SH3D21: variants seen among roughly 807,000 people sequenced by gnomAD.
SH3D21 encodes SH3 domain-containing protein 21.
Under a neutral mutation model 82.1 loss-of-function variants are expected in SH3D21, and 83 were observed. That is an observed-to-expected ratio of 1.01 (90% CI 0.85 to 1.21). The LOEUF is 1.21. SH3D21 is among the 50% of genes most tolerant of loss of function. SH3D21 has a pLI of 0.00. For synonymous variants in SH3D21, 383 were observed against 387.8 expected (o/e 0.99, Z 0.15); for missense variants, 980 against 962.1 (o/e 1.02, Z -0.25).
downstream of SH3D21, among the ~76,000 whole-genome samples, chr1:36,325,819 CG>C (rs776092280): frequency 1.3e-5 from 2 of 152,212 alleles, no homozygotes; most frequent in Non-Finnish European, 2.9e-5. Context: ...GCAGGGATTA[CG>C]GGCGTGAGCC....
At chr1:36,322,876 A>G, downstream of SH3D21, 1 of 1,527,974 alleles carries the variant, frequency 6.5e-7, no homozygotes, top group Non-Finnish European at 9.0e-7. Flanking sequence ...GAGGGCGGGG[A>G]GCGGGGCGGA....
At position 36,306,368 on chromosome 1, in the gene SH3D21, AGTACTCGGCC is replaced by A. The variant is rs1246963941; in HGVS notation, c.-50_-41del. ...CTCAGGTCGCACCCTGCGCGGGCCCAGTACTCGGCCGTCAGAGGGAGCTGCCAGGCTCTGG... is the reference window on the plus strand; with the variant it reads ...CTCAGGTCGCACCCTGCGCGGGCCCAGTCAGAGGGAGCTGCCAGGCTCTGG... On this transcript the variant is annotated 5_prime_UTR_variant, in exon 1 of 16. Transcript: ENST00000453908. This position sits in a 1 kb window ranked among gnomAD's most constrained non-coding sequence, Gnocchi z 4.5. 1.7e-5 allele frequency: 22 copies of A among 1,305,084 alleles called. No individual in the cohort carries two copies. Among genetic ancestry groups the A allele is most frequent in the Non-Finnish European group, 2.2e-5 (22 of 988,922 alleles). The allele number at this position is 1,305,084 out of a possible 1,614,324, so 80.8% of individuals were successfully genotyped here.
Position 36,320,681 on chromosome 1 carries a change from C to T in SH3D21, c.2018C>T (p.Pro673Leu). Reference protein sequence around the residue: ...PPDSQETLALPSLVPQNYTEN... With the variant: ...PPDSQETLALLSLVPQNYTEN... ...GACTCCCAAGAGACGCTCGCGCTCCCCTCGCTGGTCCCGCAAAACTACACG... is the reference window on the plus strand; with the variant it reads ...GACTCCCAAGAGACGCTCGCGCTCCTCTCGCTGGTCCCGCAAAACTACACG... The change falls in exon 14 of 16, where the codon CCC (proline) becomes CTC (leucine). Residue 673 changes from proline to leucine, a missense_variant. By Grantham distance (98) the Pro-to-Leu change is moderately conservative (BLOSUM62 -3). Coordinates refer to ENST00000453908, the MANE Select transcript of SH3D21 (RefSeq NM_001162530.2). The T allele has an allele frequency of 1.2e-6, 2 of 1,614,266 alleles. No individual in the cohort carries two copies. Among genetic ancestry groups the T allele is most frequent in the Non-Finnish European group, 1.7e-6 (2 of 1,180,044 alleles).
At chr1:36,324,191 G>C (rs1010770323), downstream of SH3D21, 16 of 152,246 alleles carry the variant, frequency 1.1e-4, no homozygotes, top group East Asian at 2.9e-3. Context: ...GTCACGCAGG[G>C]TTAATGATTG....
intron 10 of SH3D21, among the ~76,000 whole-genome samples, chr1:36,310,669 A>G (rs909386997): frequency 1.3e-5 from 2 of 151,952 alleles, no homozygotes; most frequent in African/African-American, 4.8e-5. Context: ...CCTAAACCTA[A>G]GGACTAGAAC....
downstream of SH3D21, chr1:36,321,935 G>C: frequency 9.0e-7 from 1 of 1,114,716 alleles, no homozygotes; most frequent in African/African-American, 1.6e-5. This position sits in a 1 kb window ranked among gnomAD's most constrained non-coding sequence, Gnocchi z 6.1. Flanking sequence ...GTGCAGCTAG[G>C]GTAAGGGAGT....
downstream of SH3D21, chr1:36,327,735 A>G (rs1646559554): frequency 8.2e-7 from 1 of 1,224,172 alleles, no homozygotes; most frequent in Non-Finnish European, 1.0e-6. Context: ...TGCCGTGGCC[A>G]AGCCAGGCCA....
At chr1:36,326,052 G>A (rs1015176098), downstream of SH3D21, among the ~76,000 whole-genome samples, 3 of 152,262 alleles carry the variant, frequency 2.0e-5, no homozygotes, top group Middle Eastern at 6.8e-3. Context: ...TGAATCCTAA[G>A]GAGGAGGCAG....
At chr1:36,317,114 A>C (rs1646358471) in intron 10 of SH3D21, among the ~76,000 whole-genome samples, 1 of 152,230 alleles carries the variant, frequency 6.6e-6, no homozygotes, top group Non-Finnish European at 1.5e-5. Context: ...AGAATGTAAG[A>C]AGTCAAAGTT....
downstream of SH3D21, chr1:36,323,203 C>G: frequency 1.4e-6 from 1 of 729,110 alleles, no homozygotes; most frequent in Non-Finnish European, 2.1e-6. Context: ...TCGTGGCGGC[C>G]CGGGGCCCTG....
downstream of SH3D21, chr1:36,321,441 C>G: frequency 2.6e-6 from 3 of 1,157,886 alleles, no homozygotes; most frequent in African/African-American, 1.6e-5. This position sits in a 1 kb window ranked among gnomAD's most constrained non-coding sequence, Gnocchi z 6.1. Context: ...GGAGAAATGG[C>G]GGGCAGGAGG....
chr1:36,306,862 G>T lies in SH3D21; in HGVS notation c.183G>T (p.Arg61=), dbSNP rs1033021694. The T allele has an allele frequency of 5.0e-5, 65 of 1,298,116 alleles. No individual in the cohort carries two copies. Among genetic ancestry groups the T allele is most frequent in the Middle Eastern group, 3.2e-4 (1 of 3,146 alleles). The allele number at this position is 1,298,116 out of a possible 1,614,324, so 80.4% of individuals were successfully genotyped here. ...CCCAGGAGATCCCAGAGACCCTGCG[G>T]GGCTCCGGAGAGGCGCGGAGGCCGC... ...RLVQEIPETL[R]GSGEARRPRC... Residue 61 remains arginine, a synonymous_variant, in exon 3 of 16, where the codon CGG becomes CGT. Transcript: ENST00000453908. This position sits in a 1 kb window ranked among gnomAD's most constrained non-coding sequence, Gnocchi z 4.5.
rs779888595 is a variant in SH3D21, at chr1:36,321,310, A to G, written c.*183A>G. ...CTCCGCATTCCTGACGGTCCCTCCC[A>G]GGCACATCTGGCCAACATGTGGCTC... On this transcript the variant is annotated 3_prime_UTR_variant, in exon 16 of 16. Coordinates refer to ENST00000453908, the MANE Select transcript of SH3D21 (RefSeq NM_001162530.2). This position sits in a 1 kb window ranked among gnomAD's most constrained non-coding sequence, Gnocchi z 6.1. 56 of 1,433,750 alleles carry G rather than the reference A, an allele frequency of 3.9e-5. No individual in the cohort carries two copies. Among genetic ancestry groups the G allele is most frequent in the Non-Finnish European group, 5.0e-5 (55 of 1,099,012 alleles). 88.8% of individuals were successfully genotyped at this position (1,433,750 alleles called of 1,614,324 possible).
At chr1:36,310,513 G>A (rs889588121) in intron 10 of SH3D21, among the ~76,000 whole-genome samples, 5 of 151,958 alleles carry the variant, frequency 3.3e-5, no homozygotes, top group African/African-American at 9.7e-5. Context: ...TATTTGGGAG[G>A]CTGAGGCAGG....
chr1:36,323,204 C>T (rs1442919110), downstream of SH3D21: 3 of 723,724 alleles, frequency 4.1e-6, no homozygotes, highest in African/African-American at 3.8e-5. Context: ...CGTGGCGGCC[C>T]GGGGCCCTGT....
intron 9 of SH3D21, 121 bp from the exon 10 acceptor site, chr1:36,309,427 C>T: frequency 8.7e-7 from 1 of 1,145,850 alleles, no homozygotes; most frequent in African/African-American, 1.6e-5. Flanking sequence ...GAACTTCTGT[C>T]CTCAAGTGAT....
At chr1:36,326,519 C>T (rs190798818), downstream of SH3D21, among the ~76,000 whole-genome samples, 821 of 152,276 alleles carry the variant, frequency 5.4e-3, 2 homozygotes, top group Non-Finnish European at 1.0e-2. Flanking sequence ...TGTGAGCCAC[C>T]GTGCCCGGCC....
rs1305611343 is a variant in SH3D21, at chr1:36,320,285, C to T, written c.1622C>T (p.Pro541Leu). Residue 541 changes from proline to leucine, a missense_variant, in exon 14 of 16, where the codon CCT becomes CTT. Physicochemically the swap from Pro to Leu is moderately conservative, Grantham distance 98. Transcript: ENST00000453908. ...CCAGAGGCACCCCCACCCCAGCCTC[C>T]TTCCTCAGAGAGGTGCCTGGGAGAG... is the stretch of plus-strand genomic sequence containing the variant. ...HTPEAPPPQP[P>L]SSERCLGEMK... The T allele has an allele frequency of 6.2e-7, 1 of 1,612,618 alleles. No homozygotes were observed. Among genetic ancestry groups the T allele is most frequent in the Admixed American group, 1.7e-5 (1 of 59,962 alleles).
In SH3D21 at chr1:36,320,989, G is replaced by T; in HGVS notation, c.2199+11G>T. 6.4e-7 allele frequency: 1 copy of T among 1,571,224 alleles called. No individual in the cohort carries two copies. The highest frequency in any genetic ancestry group is 8.6e-7 in the Non-Finnish European group (1 of 1,158,932). ...CGCCGGCGGCTGGAGGTGAGGCGCG[G>T]GTCCCGGCGGGAGGGGGCTGACGGC... On this transcript the variant is annotated intron_variant, in intron 15 of 15. Transcript: ENST00000453908.
Sources: gnomAD v4.1 joint callset for allele counts (sites outside exome capture counted in the v4.1 genomes callset) on GRCh38, gnomAD v4.1.1 for gene constraint, Gnocchi (gnomAD v3.1) non-coding constraint, MANE v1.5 for transcripts, NCBI Gene and HGNC (gene_info 2026-07-23, HGNC 2026-07-21) for gene names.